ZNF131: variants seen among roughly 807,000 people sequenced by gnomAD.
ZNF131 encodes zinc finger and BTB domain containing 35.
A neutral mutation model predicts 60.0 loss-of-function variants in ZNF131; 7 were observed. The ratio of observed to expected loss-of-function variants is 0.12; its 90% CI spans 0.07 to 0.22. The LOEUF is 0.22. Among genes scored for constraint, ZNF131 ranks in the 10% least tolerant of loss-of-function variants. ZNF131 has a pLI of 1.00. For synonymous variants in ZNF131, 257 were observed against 253.2 expected (o/e 1.01, Z -0.14); for missense variants, 493 against 740.9 (o/e 0.67, Z 3.88).
intron 5 of ZNF131, among the ~76,000 whole-genome samples, chr5:43,167,690 TA>T (rs1750529984): frequency 6.6e-6 from 1 of 152,302 alleles, no homozygotes; most frequent in African/African-American, 2.4e-5. Context: ...GCCATGAATA[TA>T]AAACAGTGTC....
chr5:43,172,406 A>G (rs1169762476), intron 5 of ZNF131, among the ~76,000 whole-genome samples: 1 of 152,198 alleles, frequency 6.6e-6, no homozygotes, highest in East Asian at 1.9e-4. Flanking sequence ...AGATCACCTG[A>G]GGTCAGGAGT....
chr5:43,131,092 T>C (rs1172315834), intron 3 of ZNF131, among the ~76,000 whole-genome samples: 2 of 150,182 alleles, frequency 1.3e-5, no homozygotes, highest in Admixed American at 6.6e-5. Flanking sequence ...CTTGAACTCC[T>C]GACCTCAGGT....
chr5:43,160,188 CAA>C (rs113454923), intron 4 of ZNF131, among the ~76,000 whole-genome samples: 1 of 124,968 alleles, frequency 8.0e-6, no homozygotes, highest in South Asian at 2.6e-4. Flanking sequence ...AAAAACAAAA[CAA>C]AAAAAAAAAC....
chr5:43,138,083 G>A (rs1046986517), intron 3 of ZNF131, among the ~76,000 whole-genome samples: 1 of 152,156 alleles, frequency 6.6e-6, no homozygotes, highest in African/African-American at 2.4e-5. Flanking sequence ...CTAGGGGCTG[G>A]GAGGGAGGAG....
chr5:43,122,068 G>T lies in ZNF131; in HGVS notation c.15G>T (p.Glu5Asp). 6.2e-7 allele frequency: 1 copy of T among 1,614,066 alleles called. No individual in the cohort carries two copies. The highest frequency in any genetic ancestry group is 8.5e-7 in the Non-Finnish European group (1 of 1,180,018). The change falls in exon 2 of 7, where the codon GAG becomes GAT. Residue 5 changes from glutamate to aspartate, a missense_variant. Transcript: ENST00000682664. MEAE[E>D]TMECLQEFPE... ...GCCCGACGGCCATGGAGGCTGAAGA[G>T]ACGATGGAATGCCTTCAGGAGTTCC... is the stretch of plus-strand genomic sequence containing the variant.
At chr5:43,155,697 C>A (rs1748876302) in intron 4 of ZNF131, among the ~76,000 whole-genome samples, 1 of 152,116 alleles carries the variant, frequency 6.6e-6, no homozygotes, top group South Asian at 2.1e-4. Flanking sequence ...TGTCCAGCAC[C>A]CAAAGAGTCC....
At chr5:43,125,993 A>G (rs1744501359) in intron 3 of ZNF131, among the ~76,000 whole-genome samples, 1 of 152,246 alleles carries the variant, frequency 6.6e-6, no homozygotes, top group African/African-American at 2.4e-5. Flanking sequence ...TCATTTGGTC[A>G]GATTCAGGTT....
intron 5 of ZNF131, among the ~76,000 whole-genome samples, chr5:43,172,974 C>A (rs1751189164): frequency 6.6e-6 from 1 of 152,038 alleles, no homozygotes; most frequent in South Asian, 2.1e-4. Flanking sequence ...GCAAAAAATG[C>A]AGAAAGGAAA....
intron 4 of ZNF131, among the ~76,000 whole-genome samples, chr5:43,150,953 A>G (rs951948610): frequency 6.6e-6 from 1 of 152,236 alleles, no homozygotes; most frequent in African/African-American, 2.4e-5. Flanking sequence ...GACTCAGCCA[A>G]CTGAACAAAT....
chr5:43,160,072 A>T (rs1749463077), intron 4 of ZNF131, among the ~76,000 whole-genome samples: 2 of 151,906 alleles, frequency 1.3e-5, no homozygotes, highest in Admixed American at 1.3e-4. Context: ...GCTGCTTGGG[A>T]GGCTGAGGCA....
At chr5:43,144,777 C>T (rs768531925) in intron 4 of ZNF131, among the ~76,000 whole-genome samples, 4 of 152,074 alleles carry the variant, frequency 2.6e-5, no homozygotes, top group East Asian at 1.9e-4. Context: ...AAGTGGTACA[C>T]GTAAAGCTCT....
chr5:43,173,445 C>G lies in ZNF131; in HGVS notation c.1182C>G (p.Cys394Trp), dbSNP rs761438858. 1 of 1,613,296 alleles carries G rather than the reference C, an allele frequency of 6.2e-7. No homozygotes were observed. Reference protein sequence around the residue: ...AKKGRKKLYECQVCNSVFNSW... With the variant: ...AKKGRKKLYEWQVCNSVFNSW... Reference sequence around the variant, plus strand: ...AAGGAAGGAAGAAGCTCTACGAATGCCAGGTATGTGCAGATACATACATTC... The same window carrying G: ...AAGGAAGGAAGAAGCTCTACGAATGGCAGGTATGTGCAGATACATACATTC... The change falls in exon 6 of 7, where the codon TGC becomes TGG. Residue 394 changes from cysteine (C) to tryptophan (W), a missense_variant. By Grantham distance (215) the Cys-to-Trp change is radical. Around this residue, in one of 7 missense-constraint regions of ZNF131, gnomAD observed 33 missense variants for 67.9 expected, o/e 0.49. Transcript: ENST00000682664.
At chr5:43,166,936 G>T (rs1181684849) in intron 5 of ZNF131, among the ~76,000 whole-genome samples, 1 of 152,224 alleles carries the variant, frequency 6.6e-6, no homozygotes, top group African/African-American at 2.4e-5. Context: ...GGGATTACAG[G>T]CATGAGCCAC....
chr5:43,123,383 C>A, intron 3 of ZNF131, 73 bp downstream of exon 3: 1 of 1,264,152 alleles, frequency 7.9e-7, no homozygotes, highest in Non-Finnish European at 1.1e-6. Flanking sequence ...GTTTTAAATA[C>A]AATACTTAGC....
At chr5:43,163,885 G>A (rs1055961464) in intron 5 of ZNF131, among the ~76,000 whole-genome samples, 1 of 152,104 alleles carries the variant, frequency 6.6e-6, no homozygotes, top group Non-Finnish European at 1.5e-5. Context: ...ACTGTCAGTT[G>A]GTATACATCA....
chr5:43,169,549 T>TA (rs1363485845), intron 5 of ZNF131, among the ~76,000 whole-genome samples: 1 of 152,048 alleles, frequency 6.6e-6, no homozygotes, highest in Non-Finnish European at 1.5e-5. Context: ...CCATTTAATT[T>TA]ATCTTGTCAT....
rs533181252 is a variant in ZNF131, at chr5:43,132,584, C to G, written c.227-6581C>G. Reference sequence around the variant, plus strand: ...AGATTGCAGTGGCATGATCTCAGCTCACTCTAACTTCCACCTCCTGGGTTC... The same window carrying G: ...AGATTGCAGTGGCATGATCTCAGCTGACTCTAACTTCCACCTCCTGGGTTC... On this transcript the variant is annotated intron_variant, in intron 3 of 6. Transcript: ENST00000682664. 1.0e-4 allele frequency among the ~76,000 whole-genome samples: 15 copies of G among 147,404 alleles called. No homozygotes were observed. In the South Asian group the frequency reaches 3.2e-3, roughly 31 times the overall value.
intron 4 of ZNF131, among the ~76,000 whole-genome samples, chr5:43,151,539 A>G (rs1425296208): frequency 1.3e-5 from 2 of 152,074 alleles, no homozygotes; most frequent in African/African-American, 4.8e-5. Context: ...GGCTCAAGCA[A>G]TACTCCTGCC....
chr5:43,146,317 G>T (rs1444392662), intron 4 of ZNF131, among the ~76,000 whole-genome samples: 4 of 152,328 alleles, frequency 2.6e-5, no homozygotes, highest in African/African-American at 9.6e-5. Flanking sequence ...GCCGGGCGCG[G>T]TGGCTCACGC....
Sources: allele counts gnomAD v4.1 joint callset (sites outside exome capture counted in the v4.1 genomes callset), GRCh38; gene constraint gnomAD v4.1.1; regional missense constraint gnomAD v4.1.1; transcripts MANE v1.5; gene names NCBI Gene and HGNC (gene_info 2026-07-23, HGNC 2026-07-21).